AGTPBP1: variants seen among roughly 807,000 people sequenced by gnomAD.
The protein encoded by AGTPBP1 is ATP/GTP binding carboxypeptidase 1.
Under a neutral mutation model 143.9 loss-of-function variants are expected in AGTPBP1, and 70 were observed. The observed-to-expected ratio is 0.49, with a 90% CI of 0.40 to 0.59. The LOEUF (loss-of-function observed/expected upper bound fraction) is 0.59. Ranked by LOEUF, AGTPBP1 falls within the 20% of genes least tolerant of loss-of-function variation. AGTPBP1 has a pLI of 0.00. For missense variants in AGTPBP1, 1,229 were observed against 1,464.5 expected (o/e 0.84, Z 2.62); for synonymous variants, 463 against 500.2 (o/e 0.93, Z 0.99).
At chr9:85,658,706 A>G (rs914790778) in intron 9 of AGTPBP1, among the ~76,000 whole-genome samples, 3 of 152,126 alleles carry the variant, frequency 2.0e-5, no homozygotes, top group African/African-American at 7.2e-5. Flanking sequence ...ATGTGCTAGT[A>G]CAAACCTAAA....
At chr9:85,549,580 A>G (rs1564000618) in intron 25 of AGTPBP1, among the ~76,000 whole-genome samples, 1 of 152,208 alleles carries the variant, frequency 6.6e-6, no homozygotes, top group Non-Finnish European at 1.5e-5. Flanking sequence ...TTTACAGAAA[A>G]AGCCTAGTCT....
At chr9:85,614,954 A>G (rs1830520940) in intron 17 of AGTPBP1, among the ~76,000 whole-genome samples, 2 of 152,132 alleles carry the variant, frequency 1.3e-5, no homozygotes, top group African/African-American at 4.8e-5. Flanking sequence ...ACAGAGCAAC[A>G]ATGTTTAACG....
intron 1 of AGTPBP1, among the ~76,000 whole-genome samples, chr9:85,736,999 G>A (rs938492410): frequency 2.0e-5 from 3 of 152,286 alleles, no homozygotes; most frequent in East Asian, 1.9e-4. Flanking sequence ...CCAGCTACTC[G>A]GGAGGCTGAG....
chr9:85,761,882 A>G, the AGTPBP1 span, among the ~76,000 whole-genome samples: 1 of 152,230 alleles, frequency 6.6e-6, no homozygotes, highest in Admixed American at 6.5e-5. Flanking sequence ...TCATCTGACA[A>G]AGGGCTAATA....
chr9:85,547,440 T>C (rs1016339772), intron 25 of AGTPBP1, among the ~76,000 whole-genome samples, 154 bp from the exon 26 acceptor site: 1 of 152,228 alleles, frequency 6.6e-6, no homozygotes, highest in Non-Finnish European at 1.5e-5. Context: ...TTGAAATTTA[T>C]AATAGGTGAA....
intron 18 of AGTPBP1, among the ~76,000 whole-genome samples, chr9:85,593,398 A>C (rs2133243434): frequency 6.6e-6 from 1 of 152,340 alleles, no homozygotes; most frequent in South Asian, 2.1e-4. Flanking sequence ...AAATTAACAC[A>C]GACTTAAGGG....
intron 1 of AGTPBP1, among the ~76,000 whole-genome samples, chr9:85,740,748 CTACAA>C (rs1214217969): frequency 2.6e-5 from 4 of 152,188 alleles, no homozygotes; most frequent in African/African-American, 9.7e-5. Flanking sequence ...TCCTTTCTAA[CTACAA>C]ATTGTCATGC....
intron 25 of AGTPBP1, among the ~76,000 whole-genome samples, chr9:85,573,634 C>G (rs1231330301): frequency 2.7e-5 from 4 of 150,636 alleles, no homozygotes; most frequent in Non-Finnish European, 5.9e-5. Context: ...TCTCTGCCCG[C>G]CCGCCATCCC....
the AGTPBP1 span, among the ~76,000 whole-genome samples, chr9:85,775,754 G>A: frequency 6.6e-6 from 1 of 151,980 alleles, no homozygotes; most frequent in East Asian, 1.9e-4. Context: ...TTCAGCATGG[G>A]AGAAAGATGT....
chr9:85,664,151 A>T (rs1252453367), intron 8 of AGTPBP1, among the ~76,000 whole-genome samples: 7 of 152,160 alleles, frequency 4.6e-5, no homozygotes. Context: ...CATTGTCATG[A>T]CTGCTAGGGC....
chr9:85,576,385 C>T (rs897756439), intron 24 of AGTPBP1, among the ~76,000 whole-genome samples: 3 of 152,102 alleles, frequency 2.0e-5, no homozygotes, highest in African/African-American at 7.2e-5. Flanking sequence ...AGAAAATGAA[C>T]TTTAACAACT....
At chr9:85,773,527 G>A in the AGTPBP1 span, among the ~76,000 whole-genome samples, 16 of 151,152 alleles carry the variant, frequency 1.1e-4, no homozygotes, top group African/African-American at 1.7e-4. Context: ...TAGTAGAGAC[G>A]GGGTTTTACT....
In AGTPBP1 at chr9:85,666,279, A is replaced by G. The variant is rs1332653888; in HGVS notation, c.662+3206T>C. ...AACCTCCTGAGTTGCTTCCTTCTAG[A>G]TTAACAGTTTTAAATCCAAAACCTA... On this transcript the variant is annotated intron_variant, in intron 8 of 25. Transcript: ENST00000357081. Among the ~76,000 whole-genome samples the G allele has an allele frequency of 4.6e-5, 7 of 152,282 alleles. No individual in the cohort carries two copies. In the East Asian group the frequency reaches 1.4e-3, roughly 29 times the overall value.
At chr9:85,671,541 A>T (rs1442861363) in intron 7 of AGTPBP1, among the ~76,000 whole-genome samples, 1 of 152,186 alleles carries the variant, frequency 6.6e-6, no homozygotes, top group African/African-American at 2.4e-5. Flanking sequence ...ATGTATGTTT[A>T]TATATTACAT....
At chr9:85,718,350 T>G (rs1837858649) in intron 1 of AGTPBP1, among the ~76,000 whole-genome samples, 1 of 152,232 alleles carries the variant, frequency 6.6e-6, no homozygotes, top group Non-Finnish European at 1.5e-5. Context: ...GACTTTTTAA[T>G]GATCGCTATT....
chr9:85,681,727 C>T (rs565676205), intron 3 of AGTPBP1, among the ~76,000 whole-genome samples: 1 of 149,312 alleles, frequency 6.7e-6, no homozygotes, highest in Non-Finnish European at 1.5e-5. Context: ...TTTTCCAATG[C>T]TATGATTGCA....
chr9:85,683,790 C>A (rs956554135), intron 3 of AGTPBP1, among the ~76,000 whole-genome samples: 5 of 152,142 alleles, frequency 3.3e-5, no homozygotes, highest in Non-Finnish European at 5.9e-5. Context: ...CCATAACCTC[C>A]TAACATTTCT....
intron 3 of AGTPBP1, among the ~76,000 whole-genome samples, chr9:85,686,463 G>A (rs1432119930): frequency 6.6e-6 from 1 of 152,048 alleles, no homozygotes; most frequent in Non-Finnish European, 1.5e-5. Flanking sequence ...CTATCTAAAT[G>A]TGCACAGTTC....
chr9:85,802,952 G>A, the AGTPBP1 span, among the ~76,000 whole-genome samples: 2 of 152,244 alleles, frequency 1.3e-5, no homozygotes, highest in Admixed American at 1.3e-4. Flanking sequence ...ATATGCAACT[G>A]AAAGAGAGGC....
Sources: gnomAD v4.1 joint callset for allele counts (sites outside exome capture counted in the v4.1 genomes callset) on GRCh38, gnomAD v4.1.1 for gene constraint, MANE v1.5 for transcripts, NCBI Gene and HGNC (gene_info 2026-07-23, HGNC 2026-07-21) for gene names.